The following XIRP2 variants were observed in gnomAD, a reference collection of about 807,000 sequenced individuals.
XIRP2 encodes xin actin-binding repeat-containing protein 2.
Under a neutral mutation model 277.0 loss-of-function variants are expected in XIRP2, and 236 were observed. That is an observed-to-expected ratio of 0.85 (90% CI 0.77 to 0.95). The LOEUF is 0.95. Ranked by LOEUF, XIRP2 falls within the 40% of genes least tolerant of loss-of-function variation. XIRP2 has a pLI of 0.00. For missense variants in XIRP2, 4,640 were observed against 4,157.5 expected (o/e 1.12, Z -3.19); for synonymous variants, 1,490 against 1,416.5 (o/e 1.05, Z -1.17).
chr2:167,026,132 G>A (rs1490631972), intron 2 of XIRP2, among the ~76,000 whole-genome samples: 3 of 152,026 alleles, frequency 2.0e-5, no homozygotes, highest in Admixed American at 6.6e-5. Flanking sequence ...TATGAATCTG[G>A]GTGCTCCTGT....
intron 2 of XIRP2, among the ~76,000 whole-genome samples, chr2:166,922,382 T>G (rs1294783147): frequency 6.6e-6 from 1 of 152,136 alleles, no homozygotes; most frequent in Non-Finnish European, 1.5e-5. Context: ...AATTATGAAG[T>G]GTTTCAGCCA....
At chr2:167,235,550 G>A (rs1573982453) in intron 5 of XIRP2, among the ~76,000 whole-genome samples, 1 of 151,892 alleles carries the variant, frequency 6.6e-6, no homozygotes, top group South Asian at 2.1e-4. Flanking sequence ...GCATGTGATA[G>A]ACAGAGTTCT....
At chr2:167,157,216 G>A (rs10497313) in intron 3 of XIRP2, among the ~76,000 whole-genome samples, 15,042 of 152,122 alleles carry the variant, frequency 0.099, 798 homozygotes, top group South Asian at 0.16. Context: ...AGAGAGCTCA[G>A]TGTTTTTAGT....
chr2:167,258,761 G>A lies in XIRP2; in HGVS notation c.*944G>A, dbSNP rs749544496. On this transcript the variant is annotated 3_prime_UTR_variant, in exon 11 of 11. Coordinates refer to ENST00000409195, the MANE Select transcript of XIRP2 (RefSeq NM_152381.6). Reference sequence around the variant, plus strand: ...TCTTGATCTATTACCCTTGTCGAGTGAAGCAAATGACACTGCAAATGAATA... The same window carrying A: ...TCTTGATCTATTACCCTTGTCGAGTAAAGCAAATGACACTGCAAATGAATA... 14 of 1,613,318 alleles carry A rather than the reference G, an allele frequency of 8.7e-6. No individual in the cohort carries two copies. Among genetic ancestry groups the A allele is most frequent in the Non-Finnish European group, 1.2e-5 (14 of 1,179,612 alleles).
chr2:167,046,875 G>A (rs774231391), intron 2 of XIRP2, among the ~76,000 whole-genome samples: 2 of 151,606 alleles, frequency 1.3e-5, no homozygotes, highest in Non-Finnish European at 2.9e-5. Context: ...CACCAGCAAC[G>A]TGGAATTTAT....
intron 2 of XIRP2, among the ~76,000 whole-genome samples, chr2:166,986,150 T>A (rs982967806): frequency 3.3e-5 from 5 of 152,214 alleles, no homozygotes; most frequent in African/African-American, 1.2e-4. Flanking sequence ...ACATTTAAAC[T>A]GATGAGGTTC....
chr2:166,980,334 T>A (rs1456708508), intron 2 of XIRP2, among the ~76,000 whole-genome samples: 1 of 152,226 alleles, frequency 6.6e-6, no homozygotes, highest in South Asian at 2.1e-4. Context: ...AAATCCATTC[T>A]GACCATCTCT....
intron 5 of XIRP2, among the ~76,000 whole-genome samples, chr2:167,230,808 G>A (rs1573977685): frequency 6.6e-6 from 1 of 151,974 alleles, no homozygotes; most frequent in East Asian, 1.9e-4. Context: ...ATCAAAGGTA[G>A]CCCTTCCTGT....
In XIRP2 at chr2:167,058,675, A is replaced by G. The variant is rs115318769; in HGVS notation, c.409-77234A>G. 1.4e-3 allele frequency among the ~76,000 whole-genome samples: 220 copies of G among 152,302 alleles called. 2 individuals carry two copies. The highest frequency in any genetic ancestry group is 5.1e-3 in the African/African-American group (212 of 41,558). ...ATAGCATGGCTGCTTGATTTCAAGA[A>G]GGAGCATTGCAAGAGCACAAGTCCC... On this transcript the variant is annotated intron_variant, in intron 2 of 10. Transcript: ENST00000409195.
In XIRP2 at chr2:167,250,382, T is replaced by C. The variant is rs777710340; in HGVS notation, c.8990T>C (p.Val2997Ala). The change falls in exon 9 of 11, where the codon GTT (valine) becomes GCT (alanine). Residue 2997 changes from valine (V) to alanine (A), a missense_variant. Transcript: ENST00000409195. ...AGTGAAGATAAGAGAGAATATGCAG[T>C]TCACATTGCCATGGAGAATAATTTA... ...LISEDKREYA[V>A]HIAMENNLEK... 4 of 1,613,396 alleles carry C rather than the reference T, an allele frequency of 2.5e-6. No individual in the cohort carries two copies. In the African/African-American group the frequency reaches 5.3e-5, roughly 22 times the overall value.
intron 3 of XIRP2, among the ~76,000 whole-genome samples, chr2:167,170,158 T>TA (rs1435920438): frequency 1.3e-5 from 2 of 152,170 alleles, no homozygotes; most frequent in African/African-American, 2.4e-5. Context: ...AAAGAACTTT[T>TA]AAAAATTTTT....
intron 2 of XIRP2, among the ~76,000 whole-genome samples, chr2:167,025,001 A>C (rs75235356): frequency 6.6e-6 from 1 of 151,834 alleles, no homozygotes; most frequent in Non-Finnish European, 1.5e-5. Flanking sequence ...CTCTTTTTCT[A>C]TTGATTGGAA....
At position 167,250,795 on chromosome 2, in the gene XIRP2, A is replaced by G. The variant is rs772637254; in HGVS notation, c.9403A>G (p.Asn3135Asp). ...AGAATCTACTGCCCGACGAACAGAAAACCCTACTAAGAACGAGCTTTCTCA... is the reference window on the plus strand; with the variant it reads ...AGAATCTACTGCCCGACGAACAGAAGACCCTACTAAGAACGAGCTTTCTCA... The part of the protein sequence containing the change: ...TIESTARRTE[N>D]PTKNELSQSP... The change falls in exon 9 of 11, where the codon AAC (asparagine) becomes GAC (aspartate). Residue 3135 changes from asparagine (N) to aspartate (D), a missense_variant. Physicochemically the swap from Asn to Asp is conservative, Grantham distance 23 (BLOSUM62 1). Coordinates refer to ENST00000409195, the MANE Select transcript of XIRP2 (RefSeq NM_152381.6). 6.2e-7 allele frequency: 1 copy of G among 1,613,538 alleles called. No individual in the cohort carries two copies. Among genetic ancestry groups the G allele is most frequent in the East Asian group, 2.2e-5 (1 of 44,804 alleles).
At chr2:167,152,974 C>T (rs1395591333) in intron 3 of XIRP2, among the ~76,000 whole-genome samples, 6 of 152,140 alleles carry the variant, frequency 3.9e-5, no homozygotes, top group Non-Finnish European at 7.4e-5. Context: ...CCCCCTATTT[C>T]GCAGGCAACC....
intron 3 of XIRP2, among the ~76,000 whole-genome samples, chr2:167,192,295 T>C (rs577258955): frequency 6.6e-6 from 1 of 152,212 alleles, no homozygotes; most frequent in African/African-American, 2.4e-5. Flanking sequence ...ATAAGTAGAG[T>C]CACATTTCCC....
chr2:167,175,654 A>G (rs892406383), intron 3 of XIRP2, among the ~76,000 whole-genome samples: 5 of 152,130 alleles, frequency 3.3e-5, no homozygotes, highest in Non-Finnish European at 7.4e-5. Flanking sequence ...CCCTTAACAG[A>G]GCTTGAACGC....
At chr2:167,010,043 T>C (rs1360537255) in intron 2 of XIRP2, among the ~76,000 whole-genome samples, 2 of 152,112 alleles carry the variant, frequency 1.3e-5, no homozygotes, top group Non-Finnish European at 2.9e-5. Context: ...GTAGTTTCTT[T>C]TGCTGTGCAG....
intron 2 of XIRP2, among the ~76,000 whole-genome samples, chr2:166,935,896 A>C (rs1339670115): frequency 1.3e-5 from 2 of 152,230 alleles, no homozygotes; most frequent in African/African-American, 4.8e-5. Context: ...TCTTTAGAGC[A>C]GCATGATTTG....
chr2:167,079,963 A>T (rs1689683962), intron 2 of XIRP2, among the ~76,000 whole-genome samples: 1 of 150,434 alleles, frequency 6.6e-6, no homozygotes, highest in Admixed American at 6.6e-5. Context: ...TTTTTCCACT[A>T]GTTGTGATGT....
Sources: gnomAD v4.1 joint callset for allele counts (sites outside exome capture counted in the v4.1 genomes callset) on GRCh38, gnomAD v4.1.1 for gene constraint, MANE v1.5 for transcripts, NCBI Gene and HGNC (gene_info 2026-07-23, HGNC 2026-07-21) for gene names.